The following ZDHHC21 variants were observed in gnomAD, a reference collection of about 807,000 sequenced individuals.
ZDHHC21 encodes palmitoyltransferase ZDHHC21.
In ZDHHC21, 15 loss-of-function variants were observed where a neutral mutation model predicts 34.6. That is an observed-to-expected ratio of 0.43 (90% CI 0.29 to 0.67). The LOEUF (loss-of-function observed/expected upper bound fraction) is 0.67, where lower values mean the gene tolerates loss of function less well. ZDHHC21 is among the 30% of genes least tolerant of loss of function. The probability of loss-of-function intolerance (pLI) is 0.14; values close to 1 mark genes in which losing one functional copy is unlikely to be tolerated. For synonymous variants in ZDHHC21, 142 were observed against 101.8 expected (o/e 1.40, Z -2.38); for missense variants, 344 against 327.7 (o/e 1.05, Z -0.38).
At chr9:14,644,234 T>G (rs1243602980) in intron 7 of ZDHHC21, among the ~76,000 whole-genome samples, 6 of 152,196 alleles carry the variant, frequency 3.9e-5, no homozygotes, top group African/African-American at 1.4e-4. Flanking sequence ...TATTGTTTCA[T>G]AGTCACATTT....
intron 8 of ZDHHC21, among the ~76,000 whole-genome samples, chr9:14,628,936 T>A (rs888979548): frequency 6.6e-6 from 1 of 152,204 alleles, no homozygotes; most frequent in Non-Finnish European, 1.5e-5. Context: ...AAGAGTATAT[T>A]CTGGAAACCC....
chr9:14,664,753 A>T (rs902558379), intron 5 of ZDHHC21, among the ~76,000 whole-genome samples: 2 of 151,980 alleles, frequency 1.3e-5, no homozygotes, highest in South Asian at 2.1e-4. Flanking sequence ...CATCTCACAC[A>T]GCAGGGTATT....
At chr9:14,675,721 T>TAA (rs1836256942) in intron 3 of ZDHHC21, among the ~76,000 whole-genome samples, 1 of 151,968 alleles carries the variant, frequency 6.6e-6, no homozygotes, top group Non-Finnish European at 1.5e-5. Context: ...AAAAAAGATT[T>TAA]AATATAATAT....
At chr9:14,627,600 C>T (rs1221400144) in intron 8 of ZDHHC21, among the ~76,000 whole-genome samples, 3 of 152,104 alleles carry the variant, frequency 2.0e-5, no homozygotes, top group Non-Finnish European at 4.4e-5. Flanking sequence ...CAAAAGCTTA[C>T]ACTATTATAT....
intron 8 of ZDHHC21, among the ~76,000 whole-genome samples, chr9:14,635,437 G>C (rs1238800072): frequency 2.0e-5 from 3 of 152,194 alleles, no homozygotes; most frequent in Admixed American, 2.0e-4. Context: ...CAGCAAGAAA[G>C]AAAGCATCAA....
At chr9:14,661,173 G>A (rs1158067275) in intron 6 of ZDHHC21, among the ~76,000 whole-genome samples, 1 of 151,958 alleles carries the variant, frequency 6.6e-6, no homozygotes, top group Non-Finnish European at 1.5e-5. Flanking sequence ...TGCTTTTATC[G>A]AAAATGCTCT....
rs1267801655 is a variant in ZDHHC21 at position 14,627,415 on chromosome 9, T to G, written c.622-7733A>C. Among the ~76,000 whole-genome samples, 3 of 152,302 alleles carry G rather than the reference T, an allele frequency of 2.0e-5. No individual in the cohort carries two copies. The East Asian group carries it at 5.8e-4, about 29-fold the overall frequency. On this transcript the variant is annotated intron_variant, in intron 8 of 9. Coordinates refer to ENST00000380916, the MANE Select transcript of ZDHHC21 (RefSeq NM_178566.6). ...TCTTCTTAATTTGAAAAGCTTTGAT[T>G]TAAGCTATCTTCAGCAATTCAAATA...
intron 7 of ZDHHC21, among the ~76,000 whole-genome samples, chr9:14,656,915 T>C (rs1184396035): frequency 6.6e-6 from 1 of 152,012 alleles, no homozygotes; most frequent in Non-Finnish European, 1.5e-5. Flanking sequence ...TACTTTCTTC[T>C]TCCTGATATT....
intron 8 of ZDHHC21, among the ~76,000 whole-genome samples, chr9:14,632,770 A>G (rs1428147532): frequency 6.6e-6 from 1 of 152,090 alleles, no homozygotes; most frequent in Admixed American, 6.6e-5. Flanking sequence ...TGGCAACCCA[A>G]TTAAAACATG....
In ZDHHC21 at chr9:14,658,870, C is replaced by T; in HGVS notation, c.383G>A (p.Gly128Asp). ...HHCPWINNCV[G>D]EDNHWLFLQL... is the part of the protein sequence containing the mutation. Reference sequence around the variant, plus strand: ...CAGAAAGAGCCAATGATTATCTTCACCAACACAATTGTTAATCCTAAAGAA... The same window carrying T: ...CAGAAAGAGCCAATGATTATCTTCATCAACACAATTGTTAATCCTAAAGAA... Residue 128 changes from glycine to aspartate, a missense_variant, in exon 7 of 10, where the codon GGT becomes GAT. Coordinates refer to ENST00000380916, the MANE Select transcript of ZDHHC21 (RefSeq NM_178566.6). 6.2e-7 allele frequency: 1 copy of T among 1,611,538 alleles called. No individual in the cohort carries two copies. Among genetic ancestry groups the T allele is most frequent in the Non-Finnish European group, 8.5e-7 (1 of 1,178,808 alleles).
intron 3 of ZDHHC21, among the ~76,000 whole-genome samples, chr9:14,679,485 T>G (rs187547961): frequency 8.5e-5 from 13 of 152,292 alleles, no homozygotes; most frequent in Admixed American, 8.5e-4. Context: ...TCTGCACAAG[T>G]GCAGGAAGAA....
chr9:14,593,404 C>T, the ZDHHC21 span, among the ~76,000 whole-genome samples: 3 of 152,062 alleles, frequency 2.0e-5, no homozygotes, highest in Admixed American at 1.3e-4. Context: ...ATAAAAGAGA[C>T]GAATTCCTAG....
downstream of ZDHHC21, among the ~76,000 whole-genome samples, chr9:14,608,769 A>G (rs1586826217): frequency 6.6e-6 from 1 of 151,990 alleles, no homozygotes; most frequent in Non-Finnish European, 1.5e-5. Context: ...GCACGCTAAT[A>G]TAATTGCTGC....
At chr9:14,635,852 C>G (rs1474221408) in intron 8 of ZDHHC21, among the ~76,000 whole-genome samples, 1 of 152,120 alleles carries the variant, frequency 6.6e-6, no homozygotes, top group East Asian at 1.9e-4. Flanking sequence ...TAGAGCAAGA[C>G]TCTGTCTCAA....
intron 1 of ZDHHC21, among the ~76,000 whole-genome samples, chr9:14,691,897 T>C (rs1360355312): frequency 2.0e-5 from 3 of 152,214 alleles, no homozygotes; most frequent in Non-Finnish European, 4.4e-5. Flanking sequence ...ATTTTCCAAG[T>C]AAGCATGGAA....
At chr9:14,650,112 A>G (rs1440923253) in intron 7 of ZDHHC21, among the ~76,000 whole-genome samples, 2 of 152,032 alleles carry the variant, frequency 1.3e-5, no homozygotes, top group Non-Finnish European at 2.9e-5. Flanking sequence ...GTAGGACAGG[A>G]TTAAGATTTA....
chr9:14,590,450 G>C, the ZDHHC21 span, among the ~76,000 whole-genome samples: 1 of 151,840 alleles, frequency 6.6e-6, no homozygotes, highest in African/African-American at 2.4e-5. Context: ...ACCACACCAA[G>C]ACACATCATA....
chr9:14,674,182 C>G lies in ZDHHC21; in HGVS notation c.154+5G>C. 2 of 1,480,874 alleles carry G rather than the reference C, an allele frequency of 1.4e-6. No individual in the cohort carries two copies. Among genetic ancestry groups the G allele is most frequent in the East Asian group, 2.6e-5 (1 of 39,016 alleles). 91.7% of individuals were successfully genotyped at this position (1,480,874 alleles called of 1,614,324 possible). The stretch of plus-strand genomic sequence containing the variant: ...ATACAAGAAAATAAAGATCAAGAAA[C>G]TTACTTATTATTAATATGCCTGGAA... On this transcript the variant is annotated splice_donor_5th_base_variant and intron_variant, in intron 4 of 9. Coordinates refer to ENST00000380916, the MANE Select transcript of ZDHHC21 (RefSeq NM_178566.6).
intron 8 of ZDHHC21, among the ~76,000 whole-genome samples, chr9:14,637,790 CCAA>C (rs1257232591): frequency 6.6e-6 from 1 of 151,690 alleles, no homozygotes; most frequent in Non-Finnish European, 1.5e-5. Flanking sequence ...TACAATAGCT[CCAA>C]CAACAACACT....
Sources: gnomAD v4.1 joint callset for allele counts (sites outside exome capture counted in the v4.1 genomes callset) on GRCh38, gnomAD v4.1.1 for gene constraint, MANE v1.5 for transcripts, NCBI Gene and HGNC (gene_info 2026-07-23, HGNC 2026-07-21) for gene names.